AGBL1: variants seen among roughly 807,000 people sequenced by gnomAD.
The protein encoded by AGBL1 is cytosolic carboxypeptidase 4.
In AGBL1, 130 loss-of-function variants were observed where a neutral mutation model predicts 118.9. That is an observed-to-expected ratio of 1.09 (90% CI 0.95 to 1.26). AGBL1 has a LOEUF of 1.26. Among genes scored for constraint, AGBL1 ranks in the 50% most tolerant of loss-of-function variants. The pLI is 0.00. For missense variants in AGBL1, 1,584 were observed against 1,298.1 expected (o/e 1.22, Z -3.38); for synonymous variants, 555 against 478.9 (o/e 1.16, Z -2.08).
chr15:86,409,472 G>A (rs987501084), intron 18 of AGBL1, among the ~76,000 whole-genome samples: 2 of 152,000 alleles, frequency 1.3e-5, no homozygotes, highest in African/African-American at 2.4e-5. Flanking sequence ...TCCCACCATC[G>A]CCTGCATACA....
intron 23 of AGBL1, among the ~76,000 whole-genome samples, chr15:86,959,385 C>T (rs1388377586): frequency 2.0e-5 from 3 of 152,064 alleles, no homozygotes; most frequent in African/African-American, 4.8e-5. Context: ...CATTTCCATG[C>T]TTCTTCTAAA....
At chr15:86,643,853 T>G (rs1596332176) in intron 21 of AGBL1, among the ~76,000 whole-genome samples, 1 of 152,322 alleles carries the variant, frequency 6.6e-6, no homozygotes, top group East Asian at 1.9e-4. Context: ...TGTTATGCAT[T>G]TACTCTTTAA....
chr15:86,589,603 T>C (rs528319678), intron 21 of AGBL1, among the ~76,000 whole-genome samples: 158 of 152,298 alleles, frequency 1.0e-3, no homozygotes, highest in African/African-American at 3.6e-3. Context: ...ATTCCTCAGA[T>C]AAAAAGTTTT....
intron 22 of AGBL1, among the ~76,000 whole-genome samples, chr15:86,749,881 G>A (rs2077819613): frequency 6.6e-6 from 1 of 152,098 alleles, no homozygotes; most frequent in African/African-American, 2.4e-5. Flanking sequence ...TGGTGGATAA[G>A]CTTTTTGATG....
chr15:86,094,264 T>C (rs553647760), intron 1 of AGBL1, among the ~76,000 whole-genome samples: 2 of 152,306 alleles, frequency 1.3e-5, no homozygotes, highest in Admixed American at 6.5e-5. Context: ...TAATACTCTA[T>C]TTGATTTCTT....
chr15:86,338,066 AT>A (rs2080402553), intron 17 of AGBL1, among the ~76,000 whole-genome samples: 1 of 152,102 alleles, frequency 6.6e-6, no homozygotes, highest in Non-Finnish European at 1.5e-5. Context: ...AAACTGATTA[AT>A]TGAAATGGTT....
At chr15:86,348,450 C>T (rs2080573666) in intron 17 of AGBL1, among the ~76,000 whole-genome samples, 1 of 152,178 alleles carries the variant, frequency 6.6e-6, no homozygotes, top group Non-Finnish European at 1.5e-5. Flanking sequence ...TTGGCAATGT[C>T]TGGAGACACT....
intron 22 of AGBL1, among the ~76,000 whole-genome samples, chr15:86,750,511 G>C (rs377035259): frequency 6.6e-6 from 1 of 151,450 alleles, no homozygotes; most frequent in South Asian, 2.1e-4. Context: ...AATTGTAGTT[G>C]TTTGTTTTTG....
At chr15:86,528,070 T>C (rs1360992811) in intron 19 of AGBL1, among the ~76,000 whole-genome samples, 2 of 152,200 alleles carry the variant, frequency 1.3e-5, no homozygotes, top group African/African-American at 4.8e-5. Flanking sequence ...AAAGAAAATA[T>C]TTTATTTAAG....
intron 22 of AGBL1, among the ~76,000 whole-genome samples, chr15:86,706,454 A>T (rs2086451316): frequency 6.6e-6 from 1 of 152,166 alleles, no homozygotes; most frequent in Non-Finnish European, 1.5e-5. Context: ...GAGTTTGATT[A>T]TAGCACTTAA....
At chr15:86,809,062 G>C (rs74941281) in intron 22 of AGBL1, among the ~76,000 whole-genome samples, 2,822 of 152,140 alleles carry the variant, frequency 0.019, 98 homozygotes, top group African/African-American at 0.065. Context: ...AAAAGGAGAG[G>C]CTTGCTATGT....
chr15:86,382,495 T>C (rs1340761972), intron 17 of AGBL1, among the ~76,000 whole-genome samples: 3 of 152,132 alleles, frequency 2.0e-5, no homozygotes, highest in Non-Finnish European at 4.4e-5. Flanking sequence ...CCCAGTCATC[T>C]GTAAATATAC....
At chr15:86,297,637 G>T (rs1003234724) in intron 17 of AGBL1, among the ~76,000 whole-genome samples, 5 of 152,204 alleles carry the variant, frequency 3.3e-5, no homozygotes, top group Middle Eastern at 3.4e-3. Flanking sequence ...GAGCTTTAAG[G>T]TTTAACCTAT....
In AGBL1 at chr15:86,689,740, A is replaced by G. The variant is rs2086130010; in HGVS notation, c.3158+15304A>G. 2.6e-5 allele frequency among the ~76,000 whole-genome samples: 4 copies of G among 152,194 alleles called. No homozygotes were observed. The South Asian group carries it at 8.3e-4, about 31-fold the overall frequency. Reference sequence around the variant, plus strand: ...TATAGAAACGATTGTCCCTTCCTGTATAATGTGATACTACAACACATTAGG... The same window carrying G: ...TATAGAAACGATTGTCCCTTCCTGTGTAATGTGATACTACAACACATTAGG... On this transcript the variant is annotated intron_variant, in intron 22 of 22. Coordinates refer to ENST00000614907, the MANE Select transcript of AGBL1 (RefSeq NM_001386094.1).
At chr15:86,916,814 C>T (rs2141612953), downstream of AGBL1, among the ~76,000 whole-genome samples, 1 of 152,264 alleles carries the variant, frequency 6.6e-6, no homozygotes, top group Non-Finnish European at 1.5e-5. Flanking sequence ...GGTGAAGAGG[C>T]AGCGTGAGGT....
At chr15:86,475,229 A>C (rs1342386985) in intron 18 of AGBL1, among the ~76,000 whole-genome samples, 1 of 152,230 alleles carries the variant, frequency 6.6e-6, no homozygotes, top group Non-Finnish European at 1.5e-5. Context: ...ACAGAGAATG[A>C]CTTTGACGCG....
At chr15:86,498,947 T>C (rs1018636981) in intron 18 of AGBL1, among the ~76,000 whole-genome samples, 4 of 151,900 alleles carry the variant, frequency 2.6e-5, no homozygotes, top group African/African-American at 9.7e-5. Context: ...ACCTGCTTTT[T>C]GAAGAGAAAT....
chr15:86,389,949 T>G (rs2081252081), intron 17 of AGBL1, among the ~76,000 whole-genome samples: 1 of 152,120 alleles, frequency 6.6e-6, no homozygotes, highest in Admixed American at 6.6e-5. Context: ...ATGGAAATTT[T>G]GACTAAATGC....
rs777367802 is a variant in AGBL1 at position 86,283,649 on chromosome 15, C to T, written c.2220+3866C>T. ...AAATGTTGACTTACATGTGGCATAT[C>T]GAAGATGCAATGAGCAGGCCATAAA... On this transcript the variant is annotated intron_variant, in intron 16 of 22. Coordinates refer to ENST00000614907, the MANE Select transcript of AGBL1 (RefSeq NM_001386094.1). Among the ~76,000 whole-genome samples the T allele has an allele frequency of 2.0e-5, 3 of 152,028 alleles. No individual in the cohort carries two copies. The East Asian group carries it at 5.8e-4, about 29-fold the overall frequency.
Sources: allele counts gnomAD v4.1 joint callset (sites outside exome capture counted in the v4.1 genomes callset), GRCh38; gene constraint gnomAD v4.1.1; transcripts MANE v1.5; gene names NCBI Gene and HGNC (gene_info 2026-07-23, HGNC 2026-07-21).